The following AP3S2 variants were observed in gnomAD, a reference collection of about 807,000 sequenced individuals.
AP3S2 encodes AP-3 complex subunit sigma-2.
A neutral mutation model predicts 23.4 loss-of-function variants in AP3S2; 22 were observed. The observed-to-expected ratio is 0.94, with a 90% CI of 0.67 to 1.34. The LOEUF is 1.34. AP3S2 is among the 40% of genes most tolerant of loss of function. The probability of loss-of-function intolerance (pLI) is 0.00; values close to 1 mark genes in which losing one functional copy is unlikely to be tolerated. For synonymous variants in AP3S2, 86 were observed against 87.1 expected (o/e 0.99, Z 0.07); for missense variants, 241 against 236.9 (o/e 1.02, Z -0.11).
At chr15:89,855,678 G>A (rs1480561511) in intron 4 of AP3S2, among the ~76,000 whole-genome samples, 26 of 124,794 alleles carry the variant, frequency 2.1e-4, no homozygotes, top group African/African-American at 4.9e-4. Context: ...GAGAAACCCC[G>A]TCTCTACTAA....
In AP3S2 at chr15:89,858,840, G is replaced by A. The variant is rs116073840; in HGVS notation, c.345+12635C>T. Among the ~76,000 whole-genome samples the A allele has an allele frequency of 6.6e-3, 1,004 of 152,244 alleles. 11 individuals carry two copies. Among genetic ancestry groups the A allele is most frequent in the African/African-American group, 0.023 (948 of 41,540 alleles). On this transcript the variant is annotated intron_variant, in intron 4 of 5. Transcript: ENST00000336418. ...TAAAGGTCAAATTGTGCTGTTTTGT[G>A]TACACTGTTATTCTACTAACCAGTA...
intron 4 of AP3S2, among the ~76,000 whole-genome samples, chr15:89,852,938 G>A (rs562156196): frequency 3.9e-5 from 6 of 152,302 alleles, no homozygotes; most frequent in African/African-American, 1.4e-4. Flanking sequence ...GGCTAGACAG[G>A]CAGGCTGGGC....
chr15:89,846,712 G>A (rs896977669), intron 4 of AP3S2, among the ~76,000 whole-genome samples: 23 of 152,156 alleles, frequency 1.5e-4, no homozygotes, highest in African/African-American at 5.1e-4. Context: ...ATTTTTAGTA[G>A]AGACAGGGTT....
intron 4 of AP3S2, among the ~76,000 whole-genome samples, chr15:89,849,395 C>G (rs1895579185): frequency 6.6e-6 from 1 of 151,746 alleles, no homozygotes; most frequent in South Asian, 2.1e-4. Context: ...TAGATGGAGT[C>G]TCACTCTGTC....
intron 4 of AP3S2, among the ~76,000 whole-genome samples, chr15:89,849,290 G>T (rs758615125): frequency 6.6e-6 from 1 of 152,138 alleles, no homozygotes. Context: ...TTCTAAAAAA[G>T]AATATTCTAA....
chr15:89,863,740 T>C (rs191000974), intron 4 of AP3S2, among the ~76,000 whole-genome samples: 4 of 152,312 alleles, frequency 2.6e-5, no homozygotes, highest in Admixed American at 6.5e-5. Flanking sequence ...CATGACTATC[T>C]AATGAAGATC....
intron 4 of AP3S2, chr15:89,865,495 C>A (rs1314300274): frequency 6.6e-6 from 1 of 152,174 alleles, no homozygotes; most frequent in Admixed American, 6.5e-5. Flanking sequence ...GAACACTCAC[C>A]CCCGATTGGT....
At chr15:89,846,652 G>A (rs1438325724) in intron 4 of AP3S2, among the ~76,000 whole-genome samples, 3 of 151,548 alleles carry the variant, frequency 2.0e-5, no homozygotes, top group East Asian at 3.9e-4. Context: ...TCAGCCTCCC[G>A]AGTAGCTGGG....
chr15:89,875,060 C>G (rs1896410613), intron 3 of AP3S2, among the ~76,000 whole-genome samples: 1 of 152,228 alleles, frequency 6.6e-6, no homozygotes, highest in South Asian at 2.1e-4. Flanking sequence ...AAAGCAACGG[C>G]AGATCCCCTG....
chr15:89,868,700 T>A (rs1596208788), intron 4 of AP3S2, among the ~76,000 whole-genome samples: 3 of 108,080 alleles, frequency 2.8e-5, no homozygotes, highest in Non-Finnish European at 3.8e-5. Context: ...GGTGGGGGGG[T>A]CAGCCCTCCG....
At chr15:89,837,331 A>C (rs1440477635) in intron 5 of AP3S2, among the ~76,000 whole-genome samples, 1 of 152,072 alleles carries the variant, frequency 6.6e-6, no homozygotes, top group Admixed American at 6.6e-5. Context: ...AACCACAAAC[A>C]TGGGCCATAA....
At chr15:89,857,279 G>C (rs1293557041) in intron 4 of AP3S2, among the ~76,000 whole-genome samples, 2 of 152,158 alleles carry the variant, frequency 1.3e-5, no homozygotes, top group African/African-American at 4.8e-5. Context: ...ACCGTGCCTA[G>C]TTTATGAGCT....
chr15:89,887,194 G>A (rs1896719698), intron 3 of AP3S2, among the ~76,000 whole-genome samples: 1 of 151,950 alleles, frequency 6.6e-6, no homozygotes, highest in Admixed American at 6.6e-5. Flanking sequence ...GTTTTAGATG[G>A]GTTCATCTTT....
intron 4 of AP3S2, among the ~76,000 whole-genome samples, chr15:89,847,197 T>C (rs1363950218): frequency 2.0e-5 from 3 of 151,292 alleles, no homozygotes; most frequent in Non-Finnish European, 4.4e-5. Flanking sequence ...GGCAACATAG[T>C]GAGACCTCTG....
intron 4 of AP3S2, chr15:89,848,718 T>A (rs1895559546): frequency 6.6e-6 from 1 of 152,184 alleles, no homozygotes; most frequent in Non-Finnish European, 1.5e-5. Flanking sequence ...TGTTGAGAGA[T>A]GGGAAATGCA....
intron 4 of AP3S2, among the ~76,000 whole-genome samples, chr15:89,869,376 G>T (rs1407288542): frequency 1.3e-5 from 2 of 149,002 alleles, no homozygotes; most frequent in South Asian, 2.2e-4. Context: ...AAGGCAGCAT[G>T]CGCGTTAAGA....
chr15:89,868,154 G>A (rs1160332664), intron 4 of AP3S2, among the ~76,000 whole-genome samples: 1 of 82,944 alleles, frequency 1.2e-5, no homozygotes, highest in Non-Finnish European at 2.7e-5. Context: ...CGCCCCGTCC[G>A]GGAGGGAGGT....
chr15:89,877,156 GA>G (rs1353356163), intron 3 of AP3S2: 3 of 415,864 alleles, frequency 7.2e-6, no homozygotes, highest in Non-Finnish European at 1.4e-5. Flanking sequence ...AAGAAAGTTA[GA>G]AGACTTTGAA....
intron 5 of AP3S2, 98 bp downstream of exon 5, chr15:89,837,517 G>A (rs1203499893): frequency 1.2e-5 from 17 of 1,365,310 alleles, no homozygotes; most frequent in East Asian, 2.3e-5. Flanking sequence ...ATCATTTCCC[G>A]AGGTTTCACA....
Sources: gnomAD v4.1 joint callset for allele counts (sites outside exome capture counted in the v4.1 genomes callset) on GRCh38, gnomAD v4.1.1 for gene constraint, MANE v1.5 for transcripts, NCBI Gene and HGNC (gene_info 2026-07-23, HGNC 2026-07-21) for gene names.